Variants in SLC26A6 observed in about 807,000 individuals in gnomAD.
The protein encoded by SLC26A6 is anion exchange transporter.
In SLC26A6, 67 loss-of-function variants were observed where a neutral mutation model predicts 87.1. The ratio of observed to expected loss-of-function variants is 0.77; its 90% CI spans 0.63 to 0.94. The LOEUF is 0.94. Among genes scored for constraint, SLC26A6 ranks in the 40% least tolerant of loss-of-function variants. The pLI, the probability that SLC26A6 is intolerant of heterozygous loss-of-function variation, is 0.00. For synonymous variants in SLC26A6, 414 were observed against 405.9 expected (o/e 1.02, Z -0.24); for missense variants, 902 against 973.0 (o/e 0.93, Z 0.97).
chr3:48,626,443 C>T (rs1322905299), intron 19 of SLC26A6, 89 bp from the exon 20 acceptor site: 41 of 1,583,812 alleles, frequency 2.6e-5, no homozygotes, highest in Non-Finnish European at 3.3e-5. Context: ...ACCTCATCAC[C>T]CCTGACCTCC....
At position 48,628,306 on chromosome 3, in the gene SLC26A6, T is replaced by C; in HGVS notation, c.1800+128A>G. The C allele has an allele frequency of 1.5e-6, 2 of 1,296,674 alleles. No homozygotes were observed. Among genetic ancestry groups the C allele is most frequent in the African/African-American group, 1.6e-5 (1 of 64,460 alleles). 80.3% of individuals were successfully genotyped at this position (1,296,674 alleles called of 1,614,324 possible). Reference sequence around the variant, plus strand: ...TGCTAGGGGAGTGAAGCAGGGTCCCTGGGAGCATGAGGGAGAAAGGGGAAG... The same window carrying C: ...TGCTAGGGGAGTGAAGCAGGGTCCCCGGGAGCATGAGGGAGAAAGGGGAAG... On this transcript the variant is annotated intron_variant, in intron 16 of 20. Coordinates refer to ENST00000395550, the MANE Select transcript of SLC26A6 (RefSeq NM_022911.3). This position sits in a 1 kb window ranked among gnomAD's most constrained non-coding sequence, Gnocchi z 4.4.
chr3:48,628,516 A>G lies in SLC26A6; in HGVS notation c.1718T>C (p.Ile573Thr). The G allele has an allele frequency of 6.2e-7, 1 of 1,613,858 alleles. No homozygotes were observed. The highest frequency in any genetic ancestry group is 8.5e-7 in the Non-Finnish European group (1 of 1,179,928). Residue 573 changes from isoleucine to threonine, a missense_variant, in exon 16 of 21, where the codon ATC becomes ACC. This residue lies in a region of SLC26A6 where 800 missense variants were observed against 856.8 expected (regional missense o/e 0.93). Transcript: ENST00000395550. This position sits in a 1 kb window ranked among gnomAD's most constrained non-coding sequence, Gnocchi z 4.4. The stretch of plus-strand genomic sequence containing the variant: ...CTTGAGCAGTTTCTTCTTCTGGGAG[A>G]TGAGGAAGTCGACATCCACACCACA... ...QRCGVDVDFL[I>T]SQKKKLLKKQ...
chr3:48,628,522 A>C lies in SLC26A6; in HGVS notation c.1712T>G (p.Phe571Cys), dbSNP rs1169208373. 1 of 1,613,878 alleles carries C rather than the reference A, an allele frequency of 6.2e-7. No homozygotes were observed. Reference protein sequence around the residue: ...LKQRCGVDVDFLISQKKKLLK... With the variant: ...LKQRCGVDVDCLISQKKKLLK... ...CAGTTTCTTCTTCTGGGAGATGAGG[A>C]AGTCGACATCCACACCACACTGGAG... Residue 571 changes from phenylalanine (F) to cysteine (C), a missense_variant, in exon 16 of 21, where the codon TTC (phenylalanine) becomes TGC (cysteine). Physicochemically the swap from Phe to Cys is radical, Grantham distance 205. This residue lies in a region of SLC26A6 where 800 missense variants were observed against 856.8 expected (regional missense o/e 0.93). Coordinates refer to ENST00000395550, the MANE Select transcript of SLC26A6 (RefSeq NM_022911.3). The surrounding 1 kb of genome is among the most constrained non-coding windows in gnomAD (Gnocchi z 4.4).
At chr3:48,631,420 G>C in intron 7 of SLC26A6, 114 bp from the exon 8 acceptor site, 1 of 1,270,402 alleles carries the variant, frequency 7.9e-7, no homozygotes, top group Non-Finnish European at 1.1e-6. Flanking sequence ...TCGAGGGTGG[G>C]AAAAAGTCAC....
intron 1 of SLC26A6, chr3:48,634,105 T>G: frequency 5.4e-6 from 1 of 183,836 alleles, no homozygotes; most frequent in Non-Finnish European, 1.2e-5. Context: ...GCCTCAGGCC[T>G]CAGATGAGAC....
In SLC26A6 at chr3:48,626,614, G is replaced by A. The variant is rs1559463627; in HGVS notation, c.2128+17C>T. The A allele has an allele frequency of 6.2e-7, 1 of 1,614,140 alleles. No homozygotes were observed. Among genetic ancestry groups the A allele is most frequent in the Non-Finnish European group, 8.5e-7 (1 of 1,180,008 alleles). On this transcript the variant is annotated intron_variant, in intron 19 of 20. Transcript: ENST00000395550. ...ACCCTCTTCCCAGGTCCCTCCTGCT[G>A]TTCCCACCCTACTCACTGTGGCAGG...
chr3:48,634,882 T>C, intron 1 of SLC26A6: 6 of 456,030 alleles, frequency 1.3e-5, no homozygotes, highest in Non-Finnish European at 1.7e-5. Flanking sequence ...CTTAAAGGGC[T>C]CCCTCCCCCG....
chr3:48,633,687 C>T (rs755254809), intron 1 of SLC26A6, 52 bp from the exon 2 acceptor site: 7 of 1,597,922 alleles, frequency 4.4e-6, no homozygotes, highest in Admixed American at 1.7e-5. Flanking sequence ...GGCCCAACCT[C>T]CCCTACACCT....
intron 1 of SLC26A6, among the ~76,000 whole-genome samples, chr3:48,634,519 G>C (rs953580682): frequency 2.0e-5 from 3 of 152,158 alleles, no homozygotes; most frequent in African/African-American, 7.2e-5. Flanking sequence ...TTCTCACCTG[G>C]GGGGTACTCT....
In SLC26A6 at chr3:48,626,286, C is replaced by G; in HGVS notation, c.2197G>C (p.Ala733Pro). The G allele has an allele frequency of 1.2e-6, 2 of 1,613,996 alleles. No individual in the cohort carries two copies. The highest frequency in any genetic ancestry group is 2.2e-5 in the South Asian group (2 of 91,074). ...DASITKKHLF[A>P]SVHDAVTFAL... ...AAGGTGACAGCATCATGGACAGAGG[C>G]AAAGAGATGCTTCTTGGTGATGGAT... The change falls in exon 20 of 21, where the codon GCC becomes CCC. Residue 733 changes from alanine to proline, a missense_variant. By Grantham distance (27) the Ala-to-Pro change is conservative. Around this residue, in one of 3 missense-constraint regions of SLC26A6, gnomAD observed 99 missense variants for 100.1 expected, o/e 0.99. Transcript: ENST00000395550.
At position 48,635,448 on chromosome 3, in the gene SLC26A6, A is replaced by G. The variant is rs1272510612; in HGVS notation, c.-55T>C. Reference sequence around the variant, plus strand: ...CCTGCTGCTCGAGCTAGAGGCCGCTACGCTCCGGAAGGCGGCGCCGGGACC... The same window carrying G: ...CCTGCTGCTCGAGCTAGAGGCCGCTGCGCTCCGGAAGGCGGCGCCGGGACC... On this transcript the variant is annotated 5_prime_UTR_variant, in exon 1 of 21. Coordinates refer to ENST00000395550, the MANE Select transcript of SLC26A6 (RefSeq NM_022911.3). 3 of 1,550,346 alleles carry G rather than the reference A, an allele frequency of 1.9e-6. No individual in the cohort carries two copies. In the African/African-American group the frequency reaches 4.1e-5, roughly 21 times the overall value.
chr3:48,629,145 G>A (rs958323331), intron 14 of SLC26A6, among the ~76,000 whole-genome samples: 1 of 152,112 alleles, frequency 6.6e-6, no homozygotes, highest in Non-Finnish European at 1.5e-5. Context: ...CCTCTCCCAT[G>A]TCTCAGACCC....
At chr3:48,631,536 G>A in intron 7 of SLC26A6, 113 bp downstream of exon 7, 1 of 1,402,602 alleles carries the variant, frequency 7.1e-7, no homozygotes, top group Non-Finnish European at 9.6e-7. Flanking sequence ...CAATACCCAA[G>A]AACCCTCCCA....
intron 1 of SLC26A6, among the ~76,000 whole-genome samples, chr3:48,634,534 T>A (rs1346550970): frequency 6.6e-6 from 1 of 152,104 alleles, no homozygotes; most frequent in African/African-American, 2.4e-5. Context: ...TACTCTCCCA[T>A]AGAGAAAGCT....
intron 4 of SLC26A6, 105 bp from the exon 5 acceptor site, chr3:48,632,501 G>A: frequency 6.9e-7 from 1 of 1,454,378 alleles, no homozygotes; most frequent in Non-Finnish European, 9.4e-7. Flanking sequence ...CTGGATAAAT[G>A]TACTCAGATT....
chr3:48,628,455 T>C lies in SLC26A6; in HGVS notation c.1779A>G (p.Lys593=), dbSNP rs1355476521. ...QEQLKLKQLQ[K]EEKLRKQAAS... Reference sequence around the variant, plus strand: ...CTGCCTGTTTCCGAAGCTTCTCCTCTTTCTGCAGTTGCTTCAGCTTCAGCT... The same window carrying C: ...CTGCCTGTTTCCGAAGCTTCTCCTCCTTCTGCAGTTGCTTCAGCTTCAGCT... The change falls in exon 16 of 21, where the codon AAA becomes AAG. Residue 593 remains lysine (K), a synonymous_variant. Transcript: ENST00000395550. This position sits in a 1 kb window ranked among gnomAD's most constrained non-coding sequence, Gnocchi z 4.4. 10 of 1,613,982 alleles carry C rather than the reference T, an allele frequency of 6.2e-6. No individual in the cohort carries two copies. Among genetic ancestry groups the C allele is most frequent in the Non-Finnish European group, 8.5e-6 (10 of 1,179,990 alleles).
intron 20 of SLC26A6, 44 bp downstream of exon 20, chr3:48,626,174 A>G: frequency 6.2e-7 from 1 of 1,613,562 alleles, no homozygotes; most frequent in South Asian, 1.1e-5. Flanking sequence ...GGGACAAGCA[A>G]TAGATTAACA....
In SLC26A6 at chr3:48,633,004, G is replaced by A. The variant is rs747823576; in HGVS notation, c.403C>T (p.Leu135=). 6 of 1,613,560 alleles carry A rather than the reference G, an allele frequency of 3.7e-6. No homozygotes were observed. The highest frequency in any genetic ancestry group is 1.7e-5 in the Admixed American group (1 of 59,994). The change falls in exon 4 of 21, where the codon CTG becomes TTG. Residue 135 remains leucine (L), a synonymous_variant. Transcript: ENST00000395550. The stretch of plus-strand genomic sequence containing the variant: ...GAGATGTGCCGGGAAGTGCCAAACA[G>A]GAAGTAGATGAAGACAGGGTAGAAG... ...SSFYPVFIYF[L]FGTSRHISVG... is the part of the protein sequence containing the mutation.
At chr3:48,626,063 C>T in intron 20 of SLC26A6, 63 bp from the exon 21 acceptor site, 1 of 1,613,074 alleles carries the variant, frequency 6.2e-7, no homozygotes, top group Non-Finnish European at 8.5e-7. Context: ...AACCCCCGCC[C>T]CTAGAACAGC....
Sources: allele counts gnomAD v4.1 joint callset (sites outside exome capture counted in the v4.1 genomes callset), GRCh38; gene constraint gnomAD v4.1.1; regional missense constraint gnomAD v4.1.1; non-coding constraint Gnocchi (gnomAD v3.1); transcripts MANE v1.5; gene names NCBI Gene and HGNC (gene_info 2026-07-23, HGNC 2026-07-21).